The following METTL9 variants were observed in gnomAD, a reference collection of about 807,000 sequenced individuals.
METTL9 encodes the protein methyltransferase 9, His-X-His N1(pi)-histidine.
Under a neutral mutation model 36.0 loss-of-function variants are expected in METTL9, and 10 were observed. That is an observed-to-expected ratio of 0.28 (90% CI 0.17 to 0.47). The LOEUF (loss-of-function observed/expected upper bound fraction) is 0.47, where lower values mean the gene tolerates loss of function less well. Among genes scored for constraint, METTL9 ranks in the 20% least tolerant of loss-of-function variants. The probability of loss-of-function intolerance (pLI) is 0.99; values close to 1 mark genes in which losing one functional copy is unlikely to be tolerated. For synonymous variants in METTL9, 175 were observed against 149.7 expected (o/e 1.17, Z -1.23); for missense variants, 246 against 383.5 (o/e 0.64, Z 3.00).
At chr16:21,597,272 C>T (rs760352726), upstream of METTL9, 13 of 1,288,918 alleles carry the variant, frequency 1.0e-5, no homozygotes, top group South Asian at 1.2e-5. Flanking sequence ...CGAAAGACCA[C>T]GAGCTGGGAT....
chr16:21,605,757 T>C (rs547736085), intron 1 of METTL9, among the ~76,000 whole-genome samples: 2 of 152,284 alleles, frequency 1.3e-5, no homozygotes, highest in South Asian at 4.1e-4. Flanking sequence ...TTACATGTAT[T>C]GTCATTTTTT....
At chr16:21,617,470 G>A (rs960445344) in intron 2 of METTL9, among the ~76,000 whole-genome samples, 4 of 150,792 alleles carry the variant, frequency 2.7e-5, no homozygotes, top group Non-Finnish European at 5.9e-5. Flanking sequence ...GCCCATGCCT[G>A]TAATCCCAGC....
At chr16:21,648,060 G>A (rs1165931418) in intron 4 of METTL9, among the ~76,000 whole-genome samples, 1 of 152,156 alleles carries the variant, frequency 6.6e-6, no homozygotes, top group East Asian at 1.9e-4. Context: ...TGGGAAACAT[G>A]ATAAAAGGCA....
At chr16:21,636,023 G>A (rs527822698) in intron 4 of METTL9, among the ~76,000 whole-genome samples, 8 of 152,188 alleles carry the variant, frequency 5.3e-5, no homozygotes, top group South Asian at 2.1e-4. Flanking sequence ...CTTTACTGAT[G>A]CATTCTCAAA....
At chr16:21,641,471 A>G in intron 4 of METTL9, 2 of 943,626 alleles carry the variant, frequency 2.1e-6, no homozygotes, top group Non-Finnish European at 3.3e-6. Context: ...ATATATGTTC[A>G]TTAACACTGC....
chr16:21,617,195 G>A (rs1261596204), intron 2 of METTL9, among the ~76,000 whole-genome samples: 1 of 151,936 alleles, frequency 6.6e-6, no homozygotes, highest in African/African-American at 2.4e-5. Flanking sequence ...GAGGCGGGTG[G>A]ATCACGAGGG....
intron 4 of METTL9, among the ~76,000 whole-genome samples, chr16:21,630,368 T>C (rs1033769998): frequency 4.6e-5 from 7 of 152,232 alleles, no homozygotes; most frequent in Non-Finnish European, 1.5e-5. Flanking sequence ...GAGCCGGCTC[T>C]GGCCTCGGCC....
chr16:21,603,137 A>C (rs1349247392), intron 1 of METTL9, among the ~76,000 whole-genome samples: 6 of 151,088 alleles, frequency 4.0e-5, no homozygotes, highest in African/African-American at 1.5e-4. Flanking sequence ...TTCCTTAACA[A>C]ACAGCTTTTT....
chr16:21,647,256 A>G (rs767052856), intron 4 of METTL9: 14 of 1,613,990 alleles, frequency 8.7e-6, no homozygotes, highest in Admixed American at 1.7e-5. Context: ...ACAGTGAGGG[A>G]AACTTGGTTT....
intron 4 of METTL9, among the ~76,000 whole-genome samples, chr16:21,637,784 G>A (rs1161554637): frequency 2.0e-5 from 3 of 152,224 alleles, no homozygotes; most frequent in South Asian, 2.1e-4. Flanking sequence ...GTCCGGCCTC[G>A]GCCAGCCACA....
chr16:21,598,108 T>C (rs1964992968), upstream of METTL9: 1 of 152,188 alleles, frequency 6.6e-6, no homozygotes, highest in Non-Finnish European at 1.5e-5. Flanking sequence ...CCCAGCACTT[T>C]GGGAGGCCGA....
chr16:21,623,701 G>GT (rs1431516040), intron 3 of METTL9, among the ~76,000 whole-genome samples: 8 of 151,544 alleles, frequency 5.3e-5, no homozygotes, highest in Non-Finnish European at 1.2e-4. Context: ...ATCGAGAGTG[G>GT]TTTTTTTTTA....
intron 4 of METTL9, chr16:21,626,996 C>T: frequency 1.0e-6 from 1 of 985,428 alleles, no homozygotes; most frequent in Non-Finnish European, 1.2e-6. Flanking sequence ...GGAAAACAAG[C>T]TCCTTGATTG....
chr16:21,616,875 A>T (rs575238587), intron 2 of METTL9, among the ~76,000 whole-genome samples: 1 of 152,036 alleles, frequency 6.6e-6, no homozygotes, highest in African/African-American at 2.4e-5. Context: ...TTAGCTTGTC[A>T]TCTTTTTCAA....
chr16:21,646,131 T>C (rs1743229998), intron 4 of METTL9, among the ~76,000 whole-genome samples: 1 of 146,180 alleles, frequency 6.8e-6, no homozygotes. Flanking sequence ...TTCAGAATCA[T>C]GTAAAGCTTT....
At chr16:21,597,277 T>G, upstream of METTL9, 1 of 1,289,118 alleles carries the variant, frequency 7.8e-7, no homozygotes, top group Middle Eastern at 2.1e-4. Context: ...GACCACGAGC[T>G]GGGATACCAA....
At position 21,647,005 on chromosome 16, in the gene METTL9, C is replaced by T. The variant is rs1966445162; in HGVS notation, c.752-8222C>T. 3 of 1,229,132 alleles carry T rather than the reference C, an allele frequency of 2.4e-6. No individual in the cohort carries two copies. In the East Asian group the frequency reaches 7.0e-5, roughly 29 times the overall value. 76.1% of individuals were successfully genotyped at this position (1,229,132 alleles called of 1,614,324 possible). On this transcript the variant is annotated intron_variant, in intron 4 of 4. Transcript: ENST00000358154. The stretch of plus-strand genomic sequence containing the variant: ...CTCATGGTGACTTGTGTTCAGATCA[C>T]ACCCATCACTGGCTAGGGTATTAAC...
At chr16:21,612,922 A>G in intron 2 of METTL9, 87 bp downstream of exon 2, 7 of 1,180,518 alleles carry the variant, frequency 5.9e-6, no homozygotes, top group Non-Finnish European at 7.0e-6. Context: ...CTTGTTCAGC[A>G]TGTTGACTAC....
intron 1 of METTL9, among the ~76,000 whole-genome samples, chr16:21,607,039 T>C (rs555077199): frequency 2.0e-5 from 3 of 152,250 alleles, no homozygotes; most frequent in African/African-American, 7.2e-5. Context: ...CAACCAAGGT[T>C]ATATATAAAT....
Sources: allele counts gnomAD v4.1 joint callset (sites outside exome capture counted in the v4.1 genomes callset), GRCh38; gene constraint gnomAD v4.1.1; transcripts MANE v1.5; gene names NCBI Gene and HGNC (gene_info 2026-07-23, HGNC 2026-07-21).